The following MAN1A2 variants were observed in gnomAD, a reference collection of about 807,000 sequenced individuals.
MAN1A2 encodes the protein mannosidase alpha class 1A member 2.
Under a neutral mutation model 75.7 loss-of-function variants are expected in MAN1A2, and 26 were observed. The ratio of observed to expected loss-of-function variants is 0.34; its 90% confidence interval spans 0.25 to 0.48. The LOEUF is 0.48. MAN1A2 is among the 20% of genes least tolerant of loss of function. The pLI is 0.99. For missense variants in MAN1A2, 562 were observed against 775.5 expected, an observed-to-expected ratio of 0.72 and a Z score of 3.27; for synonymous variants, 247 against 264.6, an observed-to-expected ratio of 0.93 and a Z score of 0.65.
intron 6 of MAN1A2, among the ~76,000 whole-genome samples, chr1:117,451,154 C>T (rs1246201803): frequency 6.6e-6 from 1 of 152,232 alleles, no homozygotes; most frequent in Admixed American, 6.5e-5. Flanking sequence ...GGGAGTCCTC[C>T]TCTTGCATCA....
At chr1:117,457,557 T>G (rs554280682) in intron 6 of MAN1A2, among the ~76,000 whole-genome samples, 52 of 152,254 alleles carry the variant, frequency 3.4e-4, no homozygotes, top group Middle Eastern at 3.4e-3. Flanking sequence ...TGTAAAAAAT[T>G]TAAAAACCTT....
chr1:117,491,506 C>A (rs560733514), intron 8 of MAN1A2, among the ~76,000 whole-genome samples: 1 of 39,232 alleles, frequency 2.5e-5, no homozygotes, highest in African/African-American at 6.4e-5. Flanking sequence ...ATTGACAATG[C>A]ACCTGATCAC....
chr1:117,440,221 C>T (rs2101810870), intron 5 of MAN1A2, among the ~76,000 whole-genome samples: 2 of 152,204 alleles, frequency 1.3e-5, no homozygotes, highest in Middle Eastern at 6.8e-3. Flanking sequence ...GTGTAAATTG[C>T]AACAGAATTT....
At chr1:117,425,807 A>G (rs888202410) in intron 5 of MAN1A2, among the ~76,000 whole-genome samples, 1 of 152,226 alleles carries the variant, frequency 6.6e-6, no homozygotes, top group Non-Finnish European at 1.5e-5. Flanking sequence ...GCAAATCCAT[A>G]GTACATTGCT....
At chr1:117,388,018 C>T (rs1025498717) in intron 1 of MAN1A2, among the ~76,000 whole-genome samples, 10 of 143,070 alleles carry the variant, frequency 7.0e-5, no homozygotes, top group Middle Eastern at 3.7e-3. Context: ...AATACTATCA[C>T]TTTGGGAATT....
chr1:117,528,432 G>T lies in MAN1A2; in HGVS notation c.*5475G>T, dbSNP rs952689581. On this transcript the variant is annotated 3_prime_UTR_variant, in exon 13 of 13. Coordinates refer to ENST00000356554, the MANE Select transcript of MAN1A2 (RefSeq NM_006699.5). ...GCTTCAGCTCGGTGTGAATGTAAGTGTGGGGATCAAACACACACACCTATA... is the reference window on the plus strand; with the variant it reads ...GCTTCAGCTCGGTGTGAATGTAAGTTTGGGGATCAAACACACACACCTATA... The T allele has an allele frequency of 1.3e-5, 2 of 151,960 alleles. No homozygotes were observed. Among genetic ancestry groups the T allele is most frequent in the African/African-American group, 2.4e-5 (1 of 41,386 alleles). The allele number at this position is 151,960 out of a possible 1,614,324, so 9.4% of individuals were successfully genotyped here.
chr1:117,382,570 C>T lies in MAN1A2; in HGVS notation c.302+14085C>T, dbSNP rs185289947. Among the ~76,000 whole-genome samples, 15 of 152,120 alleles carry T rather than the reference C, an allele frequency of 9.9e-5. No individual in the cohort carries two copies. In the East Asian group the frequency reaches 2.1e-3, roughly 22 times the overall value. ...CTGTTTTGGTACCAGTACCATGCTG[C>T]TTTGGTTACTGTAGCCTTGTAGTAT... On this transcript the variant is annotated intron_variant, in intron 1 of 12. Coordinates refer to ENST00000356554, the MANE Select transcript of MAN1A2 (RefSeq NM_006699.5).
intron 8 of MAN1A2, among the ~76,000 whole-genome samples, chr1:117,487,150 G>A (rs1027768977): frequency 9.2e-5 from 14 of 152,002 alleles, no homozygotes; most frequent in African/African-American, 3.4e-4. Flanking sequence ...AGAGAGCATA[G>A]CAATGACATT....
At chr1:117,453,394 A>T (rs1649483345) in intron 6 of MAN1A2, among the ~76,000 whole-genome samples, 1 of 152,218 alleles carries the variant, frequency 6.6e-6, no homozygotes, top group Non-Finnish European at 1.5e-5. Context: ...AACATTTGTG[A>T]TTCATGAGAG....
At chr1:117,458,497 C>CTATA (rs1257024902) in intron 6 of MAN1A2, among the ~76,000 whole-genome samples, 3,607 of 103,714 alleles carry the variant, frequency 0.035, 234 homozygotes, top group African/African-American at 0.11. Flanking sequence ...ATATATATAT[C>CTATA]TATATATATA....
At chr1:117,486,740 T>C (rs1650715330) in intron 8 of MAN1A2, among the ~76,000 whole-genome samples, 1 of 151,956 alleles carries the variant, frequency 6.6e-6, no homozygotes, top group Admixed American at 6.6e-5. Flanking sequence ...GGAGGTTCAA[T>C]TTCCAATTAA....
intron 8 of MAN1A2, among the ~76,000 whole-genome samples, chr1:117,484,940 A>T (rs1011374185): frequency 6.6e-6 from 1 of 151,948 alleles, no homozygotes; most frequent in Non-Finnish European, 1.5e-5. Context: ...CATTGTTGCA[A>T]ATCTTAAAGA....
At chr1:117,480,631 T>G (rs12732711) in intron 8 of MAN1A2, among the ~76,000 whole-genome samples, 210 of 152,066 alleles carry the variant, frequency 1.4e-3, no homozygotes, top group Admixed American at 3.7e-3. Flanking sequence ...GCCTCATTTT[T>G]TTACTCATTT....
Position 117,368,053 on chromosome 1 carries a change from C to A in MAN1A2, c.-131C>A. 1.2e-6 allele frequency: 1 copy of A among 847,732 alleles called. No individual in the cohort carries two copies. Among genetic ancestry groups the A allele is most frequent in the Non-Finnish European group, 1.8e-6 (1 of 546,628 alleles). 52.5% of individuals were successfully genotyped at this position (847,732 alleles called of 1,614,324 possible). A position where few individuals can be genotyped will look rare whatever the true frequency, so the allele number is the denominator to read the frequency against. ...GTGAATGACGTGCCCTCTTAAAAAGCACAACAGTCCTTTAAGAGGAGCAAA... is the reference window on the plus strand; with the variant it reads ...GTGAATGACGTGCCCTCTTAAAAAGAACAACAGTCCTTTAAGAGGAGCAAA... On this transcript the variant is annotated 5_prime_UTR_variant, in exon 1 of 13. Coordinates refer to ENST00000356554, the MANE Select transcript of MAN1A2 (RefSeq NM_006699.5).
intron 3 of MAN1A2, among the ~76,000 whole-genome samples, chr1:117,409,733 C>T (rs1032570690): frequency 6.6e-6 from 1 of 151,940 alleles, no homozygotes; most frequent in African/African-American, 2.4e-5. Flanking sequence ...ATTTGAGGTA[C>T]TCTTGTCAGG....
intron 12 of MAN1A2, among the ~76,000 whole-genome samples, chr1:117,511,090 G>A (rs1230484787): frequency 6.6e-6 from 1 of 152,008 alleles, no homozygotes; most frequent in Non-Finnish European, 1.5e-5. Flanking sequence ...CAGAAGGGGA[G>A]GTGGGCACAT....
intron 12 of MAN1A2, among the ~76,000 whole-genome samples, chr1:117,519,426 AC>A (rs1462225491): frequency 2.6e-5 from 4 of 152,064 alleles, no homozygotes; most frequent in Non-Finnish European, 5.9e-5. Context: ...AAATTGATAG[AC>A]CATTAGCAAG....
At chr1:117,370,563 A>G (rs1328964599) in intron 1 of MAN1A2, among the ~76,000 whole-genome samples, 2 of 152,224 alleles carry the variant, frequency 1.3e-5, no homozygotes, top group Non-Finnish European at 2.9e-5. Flanking sequence ...TTTTTAAATT[A>G]AGTGTATGTT....
chr1:117,401,252 A>G (rs1647416586), intron 1 of MAN1A2, among the ~76,000 whole-genome samples: 2 of 152,164 alleles, frequency 1.3e-5, no homozygotes, highest in South Asian at 4.1e-4. Context: ...GTGTTTTAAA[A>G]AAACACAAAC....
Sources: gnomAD v4.1 joint callset for allele counts (sites outside exome capture counted in the v4.1 genomes callset) on GRCh38, gnomAD v4.1.1 for gene constraint, MANE v1.5 for transcripts, NCBI Gene and HGNC (gene_info 2026-07-23, HGNC 2026-07-21) for gene names.